The following CNNM1 variants were observed in gnomAD, a reference collection of about 807,000 sequenced individuals.
CNNM1 encodes metal transporter CNNM1.
CNNM1 carries 44 observed loss-of-function variants against 78.8 expected under a neutral mutation model. The observed-to-expected ratio is 0.56, with a 90% CI of 0.44 to 0.72. The LOEUF is 0.72. Ranked by LOEUF, CNNM1 falls within the 30% of genes least tolerant of loss-of-function variation. The pLI is 0.00. For synonymous variants in CNNM1, 584 were observed against 581.5 expected, an observed-to-expected ratio of 1.00 and a Z score of -0.06; for missense variants, 1,101 against 1,292.2, an observed-to-expected ratio of 0.85 and a Z score of 2.27.
At chr10:99,355,723 C>T (rs928958161) in intron 1 of CNNM1, among the ~76,000 whole-genome samples, 6 of 152,194 alleles carry the variant, frequency 3.9e-5, no homozygotes, top group Admixed American at 2.6e-4. Context: ...TTCAGGCATG[C>T]TACTTAACCA....
intron 1 of CNNM1, among the ~76,000 whole-genome samples, chr10:99,356,627 A>AAAAG (rs528248354): frequency 0.043 from 5,824 of 136,978 alleles, 170 homozygotes; most frequent in Middle Eastern, 0.068. Context: ...GAAAGAAAAG[A>AAAAG]AAAGAAAGAA....
chr10:99,360,771 G>A, intron 2 of CNNM1, 64 bp from the exon 3 acceptor site: 1 of 1,523,558 alleles, frequency 6.6e-7, no homozygotes, highest in Non-Finnish European at 8.9e-7. Flanking sequence ...TGTGATTCTG[G>A]GAAAACCTCC....
intron 2 of CNNM1, among the ~76,000 whole-genome samples, chr10:99,360,319 C>T (rs781104115): frequency 6.6e-6 from 1 of 152,162 alleles, no homozygotes; most frequent in African/African-American, 2.4e-5. Context: ...GAGGCCAGTT[C>T]AGGGCAAAGG....
intron 3 of CNNM1, among the ~76,000 whole-genome samples, chr10:99,361,509 A>G (rs1398146308): frequency 3.3e-5 from 5 of 152,252 alleles, no homozygotes; most frequent in Non-Finnish European, 7.3e-5. Flanking sequence ...GATCATATCT[A>G]TCACTAACTT....
At chr10:99,338,470 G>A (rs1457031500) in intron 1 of CNNM1, among the ~76,000 whole-genome samples, 1 of 152,042 alleles carries the variant, frequency 6.6e-6, no homozygotes, top group African/African-American at 2.4e-5. Context: ...GTAGAGACGA[G>A]GTTTCACCGT....
chr10:99,340,677 T>G (rs2030402829), intron 1 of CNNM1, among the ~76,000 whole-genome samples: 2 of 152,108 alleles, frequency 1.3e-5, no homozygotes, highest in African/African-American at 4.8e-5. Flanking sequence ...CTTTTCAAAA[T>G]GGGATTCTCC....
In CNNM1 at chr10:99,357,558, A is replaced by C. The variant is rs1223006996; in HGVS notation, c.1620A>C (p.Glu540Asp). The change falls in exon 2 of 11, where the codon GAA becomes GAC. Residue 540 changes from glutamate to aspartate, a missense_variant. Glu to Asp is a conservative substitution (Grantham distance 45). Transcript: ENST00000356713. Reference sequence around the variant, plus strand: ...TCCAGCGGGTGAATAATGAGGGAGAAGGGGACCCTTTCTATGAGGTGATGG... The same window carrying C: ...TCCAGCGGGTGAATAATGAGGGAGACGGGGACCCTTTCTATGAGGTGATGG... ...AIVQRVNNEGEGDPFYEVMGI... is the reference protein window; with the variant it reads ...AIVQRVNNEGDGDPFYEVMGI... The C allele has an allele frequency of 3.7e-6, 6 of 1,613,778 alleles. No individual in the cohort carries two copies. The highest frequency in any genetic ancestry group is 5.1e-6 in the Non-Finnish European group (6 of 1,179,766).
intron 6 of CNNM1, among the ~76,000 whole-genome samples, chr10:99,372,348 A>G (rs555648004): frequency 2.8e-4 from 43 of 152,310 alleles, no homozygotes; most frequent in African/African-American, 9.6e-4. Context: ...ACAATTTCAC[A>G]GAGCAGAAAA....
intron 7 of CNNM1, among the ~76,000 whole-genome samples, chr10:99,382,771 A>G (rs144526114): frequency 7.5e-4 from 114 of 152,308 alleles, no homozygotes; most frequent in African/African-American, 2.3e-3. Flanking sequence ...TGTCTCTAAA[A>G]TAAAATGACA....
At chr10:99,391,174 C>T (rs897933571) in intron 10 of CNNM1, among the ~76,000 whole-genome samples, 9 of 152,232 alleles carry the variant, frequency 5.9e-5, no homozygotes, top group African/African-American at 2.2e-4. Context: ...TACTCAGTCC[C>T]CTCCAGGAAG....
intron 7 of CNNM1, among the ~76,000 whole-genome samples, chr10:99,380,270 A>G (rs2032100277): frequency 6.6e-6 from 1 of 152,210 alleles, no homozygotes; most frequent in Non-Finnish European, 1.5e-5. Context: ...GGACACAAAC[A>G]TTCAGTCCAT....
Position 99,330,608 on chromosome 10 carries a change from C to G in CNNM1, c.1221C>G (p.Tyr407Ter). 1 of 1,613,616 alleles carries G rather than the reference C, an allele frequency of 6.2e-7. No homozygotes were observed. Among genetic ancestry groups the G allele is most frequent in the Non-Finnish European group, 8.5e-7 (1 of 1,179,762 alleles). Residue 407 changes from tyrosine (Y) to a stop codon, truncating the protein, a stop_gained, in exon 1 of 11, where the codon TAC becomes TAG. Transcript: ENST00000356713. LOFTEE classifies it high-confidence loss of function. ...AGACGTTGCGGGCCGCAGACCCCTACAGTGACCTGGTGAAGGAGGAGCTCA... is the reference window on the plus strand; with the variant it reads ...AGACGTTGCGGGCCGCAGACCCCTAGAGTGACCTGGTGAAGGAGGAGCTCA... ...LLETLRAADPYSDLVKEELNI... is the reference protein window; with the variant it reads ...LLETLRAADP
At chr10:99,334,490 TA>T (rs2030073678) in intron 1 of CNNM1, among the ~76,000 whole-genome samples, 1 of 151,972 alleles carries the variant, frequency 6.6e-6, no homozygotes, top group Non-Finnish European at 1.5e-5. Flanking sequence ...CCATCTCTAC[TA>T]AAAATACAAA....
chr10:99,330,199 G>A lies in CNNM1; in HGVS notation c.812G>A (p.Arg271His), dbSNP rs1244870124. The A allele has an allele frequency of 6.6e-7, 1 of 1,510,952 alleles. No individual in the cohort carries two copies. The highest frequency in any genetic ancestry group is 2.1e-5 in the Admixed American group (1 of 47,262). The allele number at this position is 1,510,952 out of a possible 1,614,324, so 93.6% of individuals were successfully genotyped here. A position where few individuals can be genotyped will look rare whatever the true frequency, so the allele number is the denominator to read the frequency against. ...GSAAEQEQAR[R>H]VQAVRGRGTH... ...GCCGCCGAGCAGGAGCAGGCGCGCC[G>A]CGTGCAGGCCGTTCGCGGCAGGGGG... The change falls in exon 1 of 11, where the codon CGC (arginine) becomes CAC (histidine). Residue 271 changes from arginine to histidine, a missense_variant. Arg to His is a conservative substitution (Grantham distance 29, BLOSUM62 0). Around this residue, in one of 3 missense-constraint regions of CNNM1, gnomAD observed 476 missense variants for 484.5 expected, o/e 0.98. Coordinates refer to ENST00000356713, the MANE Select transcript of CNNM1 (RefSeq NM_020348.3).
intron 1 of CNNM1, among the ~76,000 whole-genome samples, chr10:99,345,749 CT>C (rs1437820787): frequency 6.6e-6 from 1 of 152,190 alleles, no homozygotes; most frequent in African/African-American, 2.4e-5. Context: ...CTAGTTGGGT[CT>C]TGAAGCTTTC....
At chr10:99,362,162 C>A (rs1295582570) in intron 3 of CNNM1, 65 bp from the exon 4 acceptor site, 1 of 1,442,092 alleles carries the variant, frequency 6.9e-7, no homozygotes, top group East Asian at 2.4e-5. Flanking sequence ...CTCCCAGCTG[C>A]CACTGCTGGA....
At chr10:99,364,702 TA>T (rs1234011323) in intron 5 of CNNM1, among the ~76,000 whole-genome samples, 186 bp downstream of exon 5, 2 of 151,218 alleles carry the variant, frequency 1.3e-5, no homozygotes, top group Non-Finnish European at 3.0e-5. Context: ...AGTTAGTGCT[TA>T]AAAAAAAAGT....
chr10:99,364,860 A>C, intron 5 of CNNM1, 95 bp from the exon 6 acceptor site: 2 of 1,183,252 alleles, frequency 1.7e-6, no homozygotes, highest in South Asian at 1.4e-5. Context: ...TTACAGGGTT[A>C]ATTGGTGCTG....
In CNNM1 at chr10:99,329,436, G is replaced by C. The variant is rs1357525892; in HGVS notation, c.49G>C (p.Asp17His). ...AAAAVGVRLR[D>H]CCSRGAVLLL... ...AGCAGCGGTGGGTGTCAGGCTCCGG[G>C]ACTGCTGCAGCCGAGGCGCTGTGCT... is the stretch of plus-strand genomic sequence containing the variant. The change falls in exon 1 of 11, where the codon GAC (aspartate) becomes CAC (histidine). Residue 17 changes from aspartate (D) to histidine (H), a missense_variant. This residue lies in a region of CNNM1 where 476 missense variants were observed against 484.5 expected (regional missense o/e 0.98). Transcript: ENST00000356713. 5 of 1,207,168 alleles carry C rather than the reference G, an allele frequency of 4.1e-6. No individual in the cohort carries two copies. The highest frequency in any genetic ancestry group is 5.7e-6 in the Non-Finnish European group (5 of 875,982). The allele number at this position is 1,207,168 out of a possible 1,614,324, so 74.8% of individuals were successfully genotyped here.
Sources: allele counts gnomAD v4.1 joint callset (sites outside exome capture counted in the v4.1 genomes callset), GRCh38; gene constraint gnomAD v4.1.1; regional missense constraint gnomAD v4.1.1; transcripts MANE v1.5; gene names NCBI Gene and HGNC (gene_info 2026-07-23, HGNC 2026-07-21).